The following TOM1L2 variants were observed in gnomAD, a reference collection of about 807,000 sequenced individuals.
The protein encoded by TOM1L2 is target of myb1 like 2 membrane trafficking protein, also known as TOM1-like protein 2.
A neutral mutation model predicts 67.9 loss-of-function variants in TOM1L2; 31 were observed. That is an observed-to-expected ratio of 0.46 (90% confidence interval 0.34 to 0.62). The LOEUF is 0.62. TOM1L2 is among the 20% of genes least tolerant of loss of function. TOM1L2 has a pLI of 0.01. For synonymous variants in TOM1L2, 256 were observed against 254.0 expected (o/e 1.01, Z -0.07); for missense variants, 606 against 663.5 (o/e 0.91, Z 0.95).
intron 1 of TOM1L2, among the ~76,000 whole-genome samples, chr17:17,956,895 G>A (rs779194814): frequency 2.0e-5 from 3 of 152,166 alleles, no homozygotes; most frequent in East Asian, 3.9e-4. Context: ...CTCCGGCCTC[G>A]GCCAGCCCAG....
chr17:17,885,814 A>G, intron 4 of TOM1L2, among the ~76,000 whole-genome samples: 1 of 150,756 alleles, frequency 6.6e-6, no homozygotes, highest in Non-Finnish European at 1.5e-5. Flanking sequence ...AGTCCCAGCT[A>G]CTCAGGAGGC....
chr17:17,893,899 C>T, intron 3 of TOM1L2, 89 bp from the exon 4 acceptor site: 1 of 1,376,878 alleles, frequency 7.3e-7, no homozygotes, highest in Non-Finnish European at 1.0e-6. Flanking sequence ...TTTCCACCAT[C>T]CCCTCTGTCT....
Position 17,936,794 on chromosome 17 carries a change from A to G in TOM1L2, c.53-29263T>C, listed in dbSNP as rs1326197258. ...AGAAAAATGTTTTAATAATACAGGA[A>G]GAAAATACACCAAAATGTTTATAGT... On this transcript the variant is annotated intron_variant, in intron 1 of 14. Coordinates refer to ENST00000379504, the MANE Select transcript of TOM1L2 (RefSeq NM_001082968.2). Among the ~76,000 whole-genome samples the G allele has an allele frequency of 2.0e-5, 3 of 152,250 alleles. No homozygotes were observed. In the East Asian group the frequency reaches 5.8e-4, roughly 29 times the overall value.
chr17:17,958,594 G>C (rs187869429), intron 1 of TOM1L2, among the ~76,000 whole-genome samples: 1 of 152,272 alleles, frequency 6.6e-6, no homozygotes, highest in East Asian at 1.9e-4. Context: ...TGACTGGCAA[G>C]AGGCTGTGAG....
chr17:17,951,460 A>G (rs1446981300), intron 1 of TOM1L2, among the ~76,000 whole-genome samples: 1 of 152,218 alleles, frequency 6.6e-6, no homozygotes, highest in Non-Finnish European at 1.5e-5. Context: ...GTCACCAGTA[A>G]AATGCAGGGA....
intron 4 of TOM1L2, among the ~76,000 whole-genome samples, chr17:17,885,950 T>G (rs1236918830): frequency 8.4e-6 from 1 of 119,342 alleles, no homozygotes; most frequent in Non-Finnish European, 1.9e-5. Flanking sequence ...AAAAAAAAAA[T>G]TCTGTTCTTT....
chr17:17,942,831 G>T (rs1468208221), intron 1 of TOM1L2, among the ~76,000 whole-genome samples: 1 of 152,200 alleles, frequency 6.6e-6, no homozygotes, highest in African/African-American at 2.4e-5. Context: ...AGCTTTAGTC[G>T]CGACAGCCCT....
At chr17:17,873,937 T>A (rs1450759010) in intron 7 of TOM1L2, among the ~76,000 whole-genome samples, 1 of 152,128 alleles carries the variant, frequency 6.6e-6, no homozygotes, top group Non-Finnish European at 1.5e-5. Context: ...TTCCATACTT[T>A]ATTTACTTAT....
At chr17:17,958,598 C>G (rs1223470436) in intron 1 of TOM1L2, among the ~76,000 whole-genome samples, 2 of 152,158 alleles carry the variant, frequency 1.3e-5, no homozygotes, top group Non-Finnish European at 2.9e-5. Context: ...TGGCAAGAGG[C>G]TGTGAGCTAA....
rs2036851215 is a variant in TOM1L2, at chr17:17,866,387, T to G, written c.993A>C (p.Ile331=). The G allele has an allele frequency of 1.9e-6, 3 of 1,606,182 alleles. No homozygotes were observed. Among genetic ancestry groups the G allele is most frequent in the East Asian group, 2.2e-5 (1 of 44,700 alleles). The change falls in exon 10 of 15, where the codon ATA becomes ATC. Residue 331 remains isoleucine (I), a synonymous_variant. Transcript: ENST00000379504. ...CGGCTGGAGACCCTGGCCCCAGGTC[T>G]ATTAAGTTGTCTTCGGTTACTTCAT... The part of the protein sequence containing the change: ...VLNEVTEDNL[I]DLGPGSPAVV...
chr17:17,877,596 C>T (rs892783400), intron 7 of TOM1L2, among the ~76,000 whole-genome samples: 1 of 152,152 alleles, frequency 6.6e-6, no homozygotes, highest in African/African-American at 2.4e-5. Context: ...TCGGCAATGG[C>T]GGAGGCGTGC....
At chr17:17,951,204 AG>A (rs2041193214) in intron 1 of TOM1L2, among the ~76,000 whole-genome samples, 1 of 152,234 alleles carries the variant, frequency 6.6e-6, no homozygotes, top group South Asian at 2.1e-4. Context: ...GAAAATGACC[AG>A]CACCCAGTAG....
At chr17:17,849,349 C>T (rs1354090896) in intron 13 of TOM1L2, among the ~76,000 whole-genome samples, 1 of 152,196 alleles carries the variant, frequency 6.6e-6, no homozygotes, top group Admixed American at 6.5e-5. Flanking sequence ...CCGCATGAGG[C>T]CTTGATGGCT....
intron 1 of TOM1L2, among the ~76,000 whole-genome samples, chr17:17,953,460 C>G (rs1308985925): frequency 2.0e-5 from 3 of 152,146 alleles, no homozygotes; most frequent in Admixed American, 2.0e-4. Flanking sequence ...GGATCACTTT[C>G]CCCACCTCAG....
chr17:17,885,768 C>CA lies in TOM1L2; in HGVS notation c.367-1001dup, dbSNP rs538320528. 1.3e-4 allele frequency among the ~76,000 whole-genome samples: 19 copies of CA among 151,364 alleles called. No individual in the cohort carries two copies. In the South Asian group the frequency reaches 3.8e-3, roughly 30 times the overall value. On this transcript the variant is annotated intron_variant, in intron 4 of 14. Coordinates refer to ENST00000379504, the MANE Select transcript of TOM1L2 (RefSeq NM_001082968.2). ...TGAAACCCCATCTCTACTAAAAATA[C>CA]AAAAAAATTAGCTGGGCGTGGTGGC...
intron 5 of TOM1L2, 22 bp downstream of exon 5, chr17:17,884,612 A>G: frequency 6.2e-7 from 1 of 1,613,626 alleles, no homozygotes; most frequent in Non-Finnish European, 8.5e-7. Flanking sequence ...GTCTTTCTAG[A>G]AAGTGCCAGC....
chr17:17,941,925 T>C (rs2040750743), intron 1 of TOM1L2, among the ~76,000 whole-genome samples: 1 of 152,128 alleles, frequency 6.6e-6, no homozygotes, highest in Non-Finnish European at 1.5e-5. Flanking sequence ...GAAGGTCAAG[T>C]CCAACCTGGA....
intron 1 of TOM1L2, among the ~76,000 whole-genome samples, chr17:17,938,983 A>AGTGT (rs2040622333): frequency 1.3e-5 from 2 of 152,164 alleles, no homozygotes; most frequent in Non-Finnish European, 2.9e-5. Context: ...CTGGACTAGA[A>AGTGT]TTCCATTCTG....
rs543435161 is a variant in TOM1L2, at chr17:17,943,375, T to C, written c.52+28887A>G. On this transcript the variant is annotated intron_variant, in intron 1 of 14. Coordinates refer to ENST00000379504, the MANE Select transcript of TOM1L2 (RefSeq NM_001082968.2). ...CAAAGCAGTCTCTATAGGGGTCAGA[T>C]AGTGGCAGACCAGCCTGCTGCTGGG... Among the ~76,000 whole-genome samples, 72 of 152,296 alleles carry C rather than the reference T, an allele frequency of 4.7e-4. No homozygotes were observed. In the Middle Eastern group the frequency reaches 0.017, roughly 36 times the overall value.
Sources: gnomAD v4.1 joint callset for allele counts (sites outside exome capture counted in the v4.1 genomes callset) on GRCh38, gnomAD v4.1.1 for gene constraint, MANE v1.5 for transcripts, NCBI Gene and HGNC (gene_info 2026-07-23, HGNC 2026-07-21) for gene names.